Variants in MCF2L2 observed in about 807,000 individuals in gnomAD.
MCF2L2 encodes the protein probable guanine nucleotide exchange factor MCF2L2.
In MCF2L2, 102 loss-of-function variants were observed where a neutral mutation model predicts 150.2. That is an observed-to-expected ratio of 0.68 (90% CI 0.58 to 0.80). The LOEUF is 0.80. MCF2L2 is among the 30% of genes least tolerant of loss of function. The pLI, the probability that MCF2L2 is intolerant of heterozygous loss-of-function variation, is 0.00. For missense variants in MCF2L2, 1,256 were observed against 1,372.8 expected, an observed-to-expected ratio of 0.91 and a Z score of 1.34; for synonymous variants, 465 against 491.3, an observed-to-expected ratio of 0.95 and a Z score of 0.71.
chr3:183,422,777 T>A (rs976288517), intron 1 of MCF2L2, among the ~76,000 whole-genome samples: 1 of 152,208 alleles, frequency 6.6e-6, no homozygotes, highest in Non-Finnish European at 1.5e-5. Context: ...GTATTTTTTT[T>A]CATTTGCTGC....
At chr3:183,308,594 T>G (rs967842236) in intron 10 of MCF2L2, among the ~76,000 whole-genome samples, 7 of 152,132 alleles carry the variant, frequency 4.6e-5, no homozygotes, top group African/African-American at 1.7e-4. Flanking sequence ...GCTGGGTTTG[T>G]GTGTTCATGC....
chr3:183,238,224 T>C (rs564911630), intron 15 of MCF2L2, among the ~76,000 whole-genome samples: 6 of 151,508 alleles, frequency 4.0e-5, no homozygotes, highest in Non-Finnish European at 8.8e-5. Context: ...CTTAAAACGT[T>C]ATGAGATTTT....
At chr3:183,341,515 T>C in intron 4 of MCF2L2, 25 bp downstream of exon 4, 2 of 1,543,970 alleles carry the variant, frequency 1.3e-6, no homozygotes, top group Non-Finnish European at 1.8e-6. Context: ...ACTTTTATAA[T>C]AAAAGCACAA....
At chr3:183,341,494 C>T (rs191021820) in intron 4 of MCF2L2, 46 bp downstream of exon 4, 7 of 1,425,144 alleles carry the variant, frequency 4.9e-6, no homozygotes, top group South Asian at 4.7e-5. Flanking sequence ...GTTGAACAGA[C>T]AATTTAAATG....
intron 2 of MCF2L2, among the ~76,000 whole-genome samples, chr3:183,388,672 G>A (rs546497058): frequency 1.6e-3 from 239 of 152,326 alleles, no homozygotes; most frequent in Middle Eastern, 6.8e-3. Context: ...TGTGCGCAGT[G>A]ACTGATATGG....
At chr3:183,214,116 T>C (rs1251718929) in intron 22 of MCF2L2, among the ~76,000 whole-genome samples, 1 of 152,184 alleles carries the variant, frequency 6.6e-6, no homozygotes, top group Admixed American at 6.5e-5. Context: ...CCTATGTTAT[T>C]TACACTGTTT....
Position 183,296,980 on chromosome 3 carries a change from G to T in MCF2L2, c.1493C>A (p.Ala498Glu). The T allele has an allele frequency of 1.2e-6, 2 of 1,613,310 alleles. No individual in the cohort carries two copies. The highest frequency in any genetic ancestry group is 1.7e-6 in the Non-Finnish European group (2 of 1,179,494). Residue 498 changes from alanine (A) to glutamate (E), a missense_variant, in exon 12 of 30, where the codon GCA (alanine) becomes GAA (glutamate). Physicochemically the swap from Ala to Glu is moderately radical, Grantham distance 107. Coordinates refer to ENST00000328913, the MANE Select transcript of MCF2L2 (RefSeq NM_015078.4). ...AAAATAACCCGGAAGCATTACCTTT[G>T]CATCGAGGGTGAGCAGCAACTCAAA... Reference protein sequence around the residue: ...NEFELLLTLDAKAKAQKVLQR... With the variant: ...NEFELLLTLDEKAKAQKVLQR...
At chr3:183,320,395 G>A (rs575632867) in intron 6 of MCF2L2, among the ~76,000 whole-genome samples, 41 of 152,054 alleles carry the variant, frequency 2.7e-4, no homozygotes, top group African/African-American at 9.2e-4. Context: ...GCCGAGCCGA[G>A]TATAGCCACT....
At chr3:183,326,628 C>G (rs573945666) in intron 5 of MCF2L2, among the ~76,000 whole-genome samples, 1 of 151,972 alleles carries the variant, frequency 6.6e-6, no homozygotes, top group Admixed American at 6.6e-5. Context: ...CAGAGAGGTC[C>G]TAGGCACCTT....
At chr3:183,192,944 A>C in intron 27 of MCF2L2, 55 bp downstream of exon 27, 1 of 1,313,636 alleles carries the variant, frequency 7.6e-7, no homozygotes, top group Non-Finnish European at 1.1e-6. Context: ...GCATCTAAGC[A>C]GCTGGCATCA....
In MCF2L2 at chr3:183,224,095, T is replaced by C; in HGVS notation, c.2208+3A>G. On this transcript the variant is annotated splice_donor_region_variant and intron_variant, in intron 19 of 29. Coordinates refer to ENST00000328913, the MANE Select transcript of MCF2L2 (RefSeq NM_015078.4). ...AGGAAGAAGTTTGTCTTCTCAACAT[T>C]ACCCCAAAGTAGGCGCAGTCTTGAC... 2 of 1,611,692 alleles carry C rather than the reference T, an allele frequency of 1.2e-6. No homozygotes were observed. Among genetic ancestry groups the C allele is most frequent in the Non-Finnish European group, 1.7e-6 (2 of 1,177,862 alleles).
intron 27 of MCF2L2, among the ~76,000 whole-genome samples, chr3:183,182,180 A>C (rs1187793420): frequency 6.6e-6 from 1 of 152,240 alleles, no homozygotes; most frequent in East Asian, 1.9e-4. Flanking sequence ...GATTTGCCTG[A>C]ACGTGGAAAG....
chr3:183,427,971 A>G lies in MCF2L2; in HGVS notation c.7T>C (p.Ser3Pro), dbSNP rs151195961. ...GGAGGCATCTCTTCTTTTAAGCAAG[A>G]CAGCATTTCACTGAAAAACCATTCC... MLSCLKEEMPPQE... is the reference protein window; with the variant it reads MLPCLKEEMPPQE... The change falls in exon 1 of 30, where the codon TCT (serine) becomes CCT (proline). Residue 3 changes from serine to proline, a missense_variant. Transcript: ENST00000328913. The G allele has an allele frequency of 5.6e-6, 9 of 1,612,812 alleles. No individual in the cohort carries two copies. The African/African-American group carries it at 1.2e-4, about 22-fold the overall frequency.
intron 15 of MCF2L2, among the ~76,000 whole-genome samples, chr3:183,249,924 C>T (rs1280401044): frequency 2.6e-5 from 4 of 152,146 alleles, no homozygotes; most frequent in East Asian, 1.9e-4. Context: ...GGCAAGGAGA[C>T]GGGGAGTCTC....
chr3:183,288,546 G>A (rs1054781377), intron 14 of MCF2L2, among the ~76,000 whole-genome samples: 4 of 149,234 alleles, frequency 2.7e-5, no homozygotes, highest in African/African-American at 9.9e-5. Context: ...CAGTGGCACA[G>A]TCTCTGCTCA....
At position 183,320,399 on chromosome 3, in the gene MCF2L2, A is replaced by C. The variant is rs148214303; in HGVS notation, c.604-2182T>G. On this transcript the variant is annotated intron_variant, in intron 6 of 29. Transcript: ENST00000328913. ...TGAGCCACTGCGCCGAGCCGAGTAT[A>C]GCCACTTTCAGCAATGATCTTAGCT... 6.8e-3 allele frequency among the ~76,000 whole-genome samples: 1,032 copies of C among 152,132 alleles called. 6 individuals carry two copies. Among genetic ancestry groups the C allele is most frequent in the African/African-American group, 0.023 (959 of 41,534 alleles).
intron 3 of MCF2L2, 131 bp from the exon 4 acceptor site, chr3:183,341,761 A>T (rs1730706711): frequency 1.6e-6 from 1 of 634,308 alleles, no homozygotes. Flanking sequence ...GCACAGCACA[A>T]CCAACTCCCT....
chr3:183,293,917 G>C (rs1728310183), intron 13 of MCF2L2, among the ~76,000 whole-genome samples: 1 of 152,078 alleles, frequency 6.6e-6, no homozygotes, highest in South Asian at 2.1e-4. Context: ...CGACTGCATT[G>C]TTGAGAGAAA....
rs557792454 is a variant in MCF2L2, at chr3:183,181,249, C to A, written c.3017-1090G>T. On this transcript the variant is annotated intron_variant, in intron 27 of 29. Coordinates refer to ENST00000328913, the MANE Select transcript of MCF2L2 (RefSeq NM_015078.4). The surrounding 1 kb of genome is among the most constrained non-coding windows in gnomAD (Gnocchi z 4.3). ...TCTCCTGGGCTGCTGCCCCAAGCCC[C>A]CAACAAGCCACGTTCTGGGCCCCAG... Among the ~76,000 whole-genome samples, 1 of 152,248 alleles carries A rather than the reference C, an allele frequency of 6.6e-6. No individual in the cohort carries two copies. Among genetic ancestry groups the A allele is most frequent in the African/African-American group, 2.4e-5 (1 of 41,550 alleles).
Sources: gnomAD v4.1 joint callset for allele counts (sites outside exome capture counted in the v4.1 genomes callset) on GRCh38, gnomAD v4.1.1 for gene constraint, Gnocchi (gnomAD v3.1) non-coding constraint, MANE v1.5 for transcripts, NCBI Gene and HGNC (gene_info 2026-07-23, HGNC 2026-07-21) for gene names.